The following GAN variants were observed in gnomAD, a reference collection of about 807,000 sequenced individuals.
GAN encodes gigaxonin.
Under a neutral mutation model 71.3 loss-of-function variants are expected in GAN, and 48 were observed. The observed-to-expected ratio is 0.67, with a 90% CI of 0.53 to 0.86. The LOEUF is 0.86. Ranked by LOEUF, GAN falls within the 40% of genes least tolerant of loss-of-function variation. The pLI is 0.00. For synonymous variants in GAN, 386 were observed against 276.8 expected (o/e 1.39, Z -3.92); for missense variants, 928 against 770.1 (o/e 1.21, Z -2.43).
At chr16:81,363,133 C>T (rs1428477590) in intron 6 of GAN, among the ~76,000 whole-genome samples, 1 of 152,214 alleles carries the variant, frequency 6.6e-6, no homozygotes, top group Non-Finnish European at 1.5e-5. Flanking sequence ...CTTCTATGAT[C>T]CCAAATAGCC....
intron 4 of GAN, among the ~76,000 whole-genome samples, chr16:81,357,370 T>C (rs1042362494): frequency 2.0e-5 from 3 of 152,182 alleles, no homozygotes; most frequent in Non-Finnish European, 4.4e-5. Flanking sequence ...GGTTTTTTGT[T>C]CTTGCGATAG....
chr16:81,359,215 A>T (rs113005202), intron 5 of GAN, among the ~76,000 whole-genome samples: 196 of 152,168 alleles, frequency 1.3e-3, no homozygotes, highest in African/African-American at 4.4e-3. Context: ...CCCAAAATAT[A>T]TACACATATT....
intron 1 of GAN, among the ~76,000 whole-genome samples, chr16:81,330,106 T>C (rs1909524221): frequency 6.6e-6 from 1 of 152,232 alleles, no homozygotes; most frequent in Admixed American, 6.5e-5. Context: ...CTCTTCACCA[T>C]TGCCACTGGC....
At chr16:81,322,244 C>A (rs1275820004) in intron 1 of GAN, among the ~76,000 whole-genome samples, 1 of 152,182 alleles carries the variant, frequency 6.6e-6, no homozygotes, top group Non-Finnish European at 1.5e-5. Flanking sequence ...TTCCTCTGTT[C>A]AAATAAGTTA....
chr16:81,365,025 T>C lies in GAN; in HGVS notation c.1288T>C (p.Ser430Pro). 1 of 1,613,334 alleles carries C rather than the reference T, an allele frequency of 6.2e-7. No homozygotes were observed. Among genetic ancestry groups the C allele is most frequent in the Non-Finnish European group, 8.5e-7 (1 of 1,179,322 alleles). Residue 430 changes from serine (S) to proline (P), a missense_variant, in exon 8 of 11, where the codon TCC (serine) becomes CCC (proline). Ser to Pro is a moderately conservative substitution (Grantham distance 74). Transcript: ENST00000648994. Reference protein sequence around the residue: ...KKKIYAMGGGSYGKLFESVEC... With the variant: ...KKKIYAMGGGPYGKLFESVEC... ...GAAAATCTACGCCATGGGTGGAGGC[T>C]CCTACGGAAAGCTTTTTGAGTCTGT...
intron 1 of GAN, among the ~76,000 whole-genome samples, chr16:81,346,985 G>A (rs1030261340): frequency 6.6e-6 from 1 of 152,238 alleles, no homozygotes; most frequent in Non-Finnish European, 1.5e-5. Flanking sequence ...ATTTGGAGCT[G>A]AGAGGCTATA....
chr16:81,339,331 A>G (rs1348396100), intron 1 of GAN, among the ~76,000 whole-genome samples: 1 of 152,210 alleles, frequency 6.6e-6, no homozygotes, highest in African/African-American at 2.4e-5. Context: ...CGTTGTACAG[A>G]TACAGTTATT....
intron 1 of GAN, among the ~76,000 whole-genome samples, chr16:81,324,424 G>C (rs896777448): frequency 6.6e-6 from 1 of 152,144 alleles, no homozygotes; most frequent in Non-Finnish European, 1.5e-5. Context: ...TGAGATCTGA[G>C]GGAGGAGGAG....
chr16:81,353,052 G>A (rs1479282565), intron 2 of GAN, among the ~76,000 whole-genome samples: 4 of 152,230 alleles, frequency 2.6e-5, no homozygotes, highest in Non-Finnish European at 5.9e-5. Context: ...AGCACTTTGG[G>A]AGGCCGAGGC....
chr16:81,377,993 G>A lies in GAN; in HGVS notation c.*397G>A, dbSNP rs536697782. 1.1e-4 allele frequency: 31 copies of A among 276,384 alleles called. No individual in the cohort carries two copies. The highest frequency in any genetic ancestry group is 7.8e-4 in the South Asian group (18 of 23,040). 17.1% of individuals were successfully genotyped at this position (276,384 alleles called of 1,614,324 possible). On this transcript the variant is annotated 3_prime_UTR_variant, in exon 11 of 11. Transcript: ENST00000648994. The stretch of plus-strand genomic sequence containing the variant: ...GTAGCTTTGGTAACAAACAAAATCC[G>A]TATATGCAAATCAACATATCCAAAC...
intron 1 of GAN, among the ~76,000 whole-genome samples, chr16:81,335,016 A>T (rs1046876648): frequency 7.9e-5 from 12 of 151,952 alleles, no homozygotes; most frequent in African/African-American, 2.7e-4. Flanking sequence ...GATAAATTCT[A>T]TGGAAAAATA....
Position 81,378,600 on chromosome 16 carries a change from G to A in GAN, c.*1004G>A, listed in dbSNP as rs1904290292. On this transcript the variant is annotated 3_prime_UTR_variant, in exon 11 of 11. Coordinates refer to ENST00000648994, the MANE Select transcript of GAN (RefSeq NM_022041.4). ...ACAAAGTCTTGTTTACTACTGTTTAGGGTTTGAAAACTTGTCTTAGAATGC... is the reference window on the plus strand; with the variant it reads ...ACAAAGTCTTGTTTACTACTGTTTAAGGTTTGAAAACTTGTCTTAGAATGC... The A allele has an allele frequency of 6.6e-6, 1 of 152,626 alleles. No individual in the cohort carries two copies. The highest frequency in any genetic ancestry group is 6.5e-5 in the Admixed American group (1 of 15,286). 9.5% of individuals were successfully genotyped at this position (152,626 alleles called of 1,614,324 possible). A position where few individuals can be genotyped will look rare whatever the true frequency, so the allele number is the denominator to read the frequency against.
chr16:81,360,035 A>ATGGG (rs1197506985), intron 5 of GAN, among the ~76,000 whole-genome samples: 1 of 130,124 alleles, frequency 7.7e-6, no homozygotes, highest in African/African-American at 2.9e-5. Context: ...GGATGGATGG[A>ATGGG]TGGATGGATG....
In GAN at chr16:81,378,098, A is replaced by C. The variant is rs570727891; in HGVS notation, c.*502A>C. 9 of 189,096 alleles carry C rather than the reference A, an allele frequency of 4.8e-5. No individual in the cohort carries two copies. The East Asian group carries it at 1.1e-3, about 23-fold the overall frequency. The allele number at this position is 189,096 out of a possible 1,614,324, so 11.7% of individuals were successfully genotyped here. A position where few individuals can be genotyped will look rare whatever the true frequency, so the allele number is the denominator to read the frequency against. ...CCCAACAAATTAAGGTTTGTGCCTA[A>C]AATGTTAGATTGGACTGTATGCCAG... On this transcript the variant is annotated 3_prime_UTR_variant, in exon 11 of 11. Coordinates refer to ENST00000648994, the MANE Select transcript of GAN (RefSeq NM_022041.4).
intron 1 of GAN, among the ~76,000 whole-genome samples, chr16:81,341,006 C>A (rs1313730387): frequency 1.3e-5 from 2 of 151,540 alleles, no homozygotes; most frequent in African/African-American, 4.9e-5. Context: ...ACACAAGCTT[C>A]AGTAGCTGAT....
chr16:81,350,169 C>A (rs1010467746), intron 1 of GAN, among the ~76,000 whole-genome samples: 1 of 151,876 alleles, frequency 6.6e-6, no homozygotes, highest in African/African-American at 2.4e-5. Flanking sequence ...ACTCCTACAC[C>A]GCAATGTGAG....
In GAN at chr16:81,377,737, C is replaced by G. The variant is rs909813992; in HGVS notation, c.*141C>G. Reference sequence around the variant, plus strand: ...CTCTTTGGTGGTTTTATGATGCTTACAAACTTGAGCTTTAGCTCTTGTTTG... The same window carrying G: ...CTCTTTGGTGGTTTTATGATGCTTAGAAACTTGAGCTTTAGCTCTTGTTTG... On this transcript the variant is annotated 3_prime_UTR_variant, in exon 11 of 11. Transcript: ENST00000648994. The G allele has an allele frequency of 6.2e-6, 5 of 802,202 alleles. No homozygotes were observed. Among genetic ancestry groups the G allele is most frequent in the African/African-American group, 1.7e-5 (1 of 59,032 alleles). 49.7% of individuals were successfully genotyped at this position (802,202 alleles called of 1,614,324 possible).
chr16:81,333,305 A>G (rs1909649456), intron 1 of GAN, among the ~76,000 whole-genome samples: 1 of 151,980 alleles, frequency 6.6e-6, no homozygotes, highest in Non-Finnish European at 1.5e-5. Context: ...ATAATTAATA[A>G]GTTGTGGGAG....
chr16:81,324,387 C>T (rs545696444), intron 1 of GAN, among the ~76,000 whole-genome samples: 250 of 152,164 alleles, frequency 1.6e-3, no homozygotes, highest in Admixed American at 2.6e-3. Context: ...TGACGGGATC[C>T]CTGCTCCGAG....
Sources: allele counts gnomAD v4.1 joint callset (sites outside exome capture counted in the v4.1 genomes callset), GRCh38; gene constraint gnomAD v4.1.1; transcripts MANE v1.5; gene names NCBI Gene and HGNC (gene_info 2026-07-23, HGNC 2026-07-21).